Variants in MAPK8IP3 observed in about 807,000 individuals in gnomAD.
MAPK8IP3 encodes the protein C-Jun-amino-terminal kinase-interacting protein 3.
In MAPK8IP3, 49 loss-of-function variants were observed where a neutral mutation model predicts 157.8. That is an observed-to-expected ratio of 0.31 (90% CI 0.25 to 0.39). MAPK8IP3 has a LOEUF of 0.39. MAPK8IP3 is among the 10% of genes least tolerant of loss of function. The probability of loss-of-function intolerance (pLI) is 1.00; values close to 1 mark genes in which losing one functional copy is unlikely to be tolerated. For synonymous variants in MAPK8IP3, 897 were observed against 777.7 expected, an observed-to-expected ratio of 1.15 and a Z score of -2.55; for missense variants, 1,478 against 1,889.4, an observed-to-expected ratio of 0.78 and a Z score of 4.04.
Position 1,706,311 on chromosome 16 carries a change from G to A in MAPK8IP3, c.-29G>A. Reference sequence around the variant, plus strand: ...GGGCCGGGCGCGCCGGCCGGATAGCGAGCCGCGCTGGCGGCGGCGGTGGCC... The same window carrying A: ...GGGCCGGGCGCGCCGGCCGGATAGCAAGCCGCGCTGGCGGCGGCGGTGGCC... On this transcript the variant is annotated 5_prime_UTR_variant, in exon 1 of 32. Coordinates refer to ENST00000610761, the MANE Select transcript of MAPK8IP3 (RefSeq NM_001318852.2). This position sits in a 1 kb window ranked among gnomAD's most constrained non-coding sequence, Gnocchi z 5.1. The A allele has an allele frequency of 6.6e-7, 1 of 1,520,914 alleles. No homozygotes were observed. The highest frequency in any genetic ancestry group is 8.8e-7 in the Non-Finnish European group (1 of 1,134,460). The allele number at this position is 1,520,914 out of a possible 1,614,324, so 94.2% of individuals were successfully genotyped here. A position where few individuals can be genotyped will look rare whatever the true frequency, so the allele number is the denominator to read the frequency against.
rs771831508 is a variant in MAPK8IP3 at position 1,748,644 on chromosome 16, C to T, written c.1140C>T (p.Thr380=). 10 of 1,614,166 alleles carry T rather than the reference C, an allele frequency of 6.2e-6. No individual in the cohort carries two copies. Among genetic ancestry groups the T allele is most frequent in the African/African-American group, 1.3e-5 (1 of 75,058 alleles). Residue 380 remains threonine, a synonymous_variant, in exon 8 of 32, where the codon ACC becomes ACT. Transcript: ENST00000610761. ...GIVNKAFGIN[T]DSLYHELSTA... ...TGAACAAAGCTTTCGGCATCAACAC[C>T]GACTCCCTGTACCATGAGCTGTCGA... is the stretch of plus-strand genomic sequence containing the variant.
intron 2 of MAPK8IP3, among the ~76,000 whole-genome samples, chr16:1,728,205 C>T (rs866674796): frequency 2.0e-5 from 3 of 152,224 alleles, no homozygotes; most frequent in Non-Finnish European, 2.9e-5. Flanking sequence ...GGGCAGATCA[C>T]GTCTGGGGCC....
intron 8 of MAPK8IP3, 108 bp from the exon 9 acceptor site, chr16:1,758,040 G>A (rs939395828): frequency 2.2e-5 from 25 of 1,143,712 alleles, no homozygotes; most frequent in Admixed American, 7.1e-5. Flanking sequence ...GGGAGCAGCC[G>A]AATCATTGCT....
chr16:1,759,839 G>A (rs1366559260), intron 10 of MAPK8IP3, 119 bp from the exon 11 acceptor site: 5 of 852,518 alleles, frequency 5.9e-6, no homozygotes, highest in South Asian at 3.0e-5. Context: ...CCTGTAGATC[G>A]GGCGTCATCC....
At chr16:1,738,387 TCCGTGTGA>T (rs1272934791) in intron 4 of MAPK8IP3, among the ~76,000 whole-genome samples, 2 of 108,360 alleles carry the variant, frequency 1.8e-5, no homozygotes, top group Non-Finnish European at 3.7e-5. Flanking sequence ...CATGTGAGCA[TCCGTGTGA>T]CCGTGTGAGC....
chr16:1,723,782 CGGCCACACCTGG>C (rs1476439769), intron 1 of MAPK8IP3, among the ~76,000 whole-genome samples: 1 of 152,206 alleles, frequency 6.6e-6, no homozygotes, highest in Non-Finnish European at 1.5e-5. Flanking sequence ...CATCGATGCC[CGGCCACACCTGG>C]GGCCTCACTG....
chr16:1,721,888 C>T (rs1248769802), intron 1 of MAPK8IP3, among the ~76,000 whole-genome samples: 1 of 152,014 alleles, frequency 6.6e-6, no homozygotes, highest in Non-Finnish European at 1.5e-5. Flanking sequence ...TCCTGCCTCG[C>T]CCTCCCGAGT....
In MAPK8IP3 at chr16:1,743,264, G is replaced by T; in HGVS notation, c.603-68G>T. The T allele has an allele frequency of 6.8e-7, 1 of 1,467,618 alleles. No homozygotes were observed. The allele number at this position is 1,467,618 out of a possible 1,614,324, so 90.9% of individuals were successfully genotyped here. A position where few individuals can be genotyped will look rare whatever the true frequency, so the allele number is the denominator to read the frequency against. Reference sequence around the variant, plus strand: ...ATCACTCGAGGTCTGCTTGCCCTGGGAGGGCTTGGGAAATCTTCACGGCCA... The same window carrying T: ...ATCACTCGAGGTCTGCTTGCCCTGGTAGGGCTTGGGAAATCTTCACGGCCA... On this transcript the variant is annotated intron_variant, in intron 4 of 31. Transcript: ENST00000610761. The surrounding 1 kb of genome is among the most constrained non-coding windows in gnomAD (Gnocchi z 5.6).
chr16:1,709,023 G>C (rs1567130974), intron 1 of MAPK8IP3, among the ~76,000 whole-genome samples: 1 of 152,192 alleles, frequency 6.6e-6, no homozygotes, highest in South Asian at 2.1e-4. Flanking sequence ...GTGTCTTGTT[G>C]CAGAGGAGCT....
In MAPK8IP3 at chr16:1,768,590, C is replaced by G. The variant is rs1017475088; in HGVS notation, c.3856C>G (p.Leu1286Val). Residue 1286 changes from leucine (L) to valine (V), a missense_variant, in exon 31 of 32, where the codon CTG (leucine) becomes GTG (valine). Leu to Val is a conservative substitution (Grantham distance 32). Transcript: ENST00000610761. ...CCAGAAGCTGCGGAACGTGCTGGTG[C>G]TGAGCGGCGGGGAGGGCTACATCGA... ...EGQKLRNVLVLSGGEGYIDFR... is the reference protein window; with the variant it reads ...EGQKLRNVLVVSGGEGYIDFR... 2 of 1,595,718 alleles carry G rather than the reference C, an allele frequency of 1.3e-6. No individual in the cohort carries two copies. The highest frequency in any genetic ancestry group is 1.7e-6 in the Non-Finnish European group (2 of 1,171,898).
chr16:1,753,123 A>G (rs2041388413), intron 8 of MAPK8IP3, among the ~76,000 whole-genome samples: 1 of 152,208 alleles, frequency 6.6e-6, no homozygotes, highest in Admixed American at 6.5e-5. Flanking sequence ...GTGGAGAGCG[A>G]CATCCCTCCG....
Position 1,767,599 on chromosome 16 carries a change from G to A in MAPK8IP3, c.3273G>A (p.Gln1091=). 1.2e-6 allele frequency: 2 copies of A among 1,612,458 alleles called. No individual in the cohort carries two copies. The highest frequency in any genetic ancestry group is 1.7e-6 in the Non-Finnish European group (2 of 1,179,898). ...SFDAHPRRES[Q]VRQLAWIGDG... ...ACGCCCACCCGCGGCGGGAGAGCCA[G>A]GTGCGGCAGCTGGCGTGGATCGGCG... The change falls in exon 27 of 32, where the codon CAG becomes CAA. Residue 1091 remains glutamine (Q), a synonymous_variant. Coordinates refer to ENST00000610761, the MANE Select transcript of MAPK8IP3 (RefSeq NM_001318852.2).
At chr16:1,739,025 T>G (rs1206168986) in intron 4 of MAPK8IP3, among the ~76,000 whole-genome samples, 2 of 134,790 alleles carry the variant, frequency 1.5e-5, no homozygotes, top group African/African-American at 5.8e-5. Flanking sequence ...TGAGCATCTG[T>G]GTGAGCGTCC....
chr16:1,735,758 T>C (rs1478207680), intron 4 of MAPK8IP3, among the ~76,000 whole-genome samples: 2 of 139,912 alleles, frequency 1.4e-5, no homozygotes, highest in African/African-American at 5.5e-5. Context: ...CATGTGAGCA[T>C]CCGTGTGACC....
intron 8 of MAPK8IP3, chr16:1,752,123 G>A (rs1041634651): frequency 2.6e-5 from 4 of 153,392 alleles, no homozygotes; most frequent in Non-Finnish European, 4.4e-5. Flanking sequence ...TGCTCAACCC[G>A]TGGCCTTTGT....
At chr16:1,761,191 C>T (rs772437503) in intron 12 of MAPK8IP3, 33 bp from the exon 13 acceptor site, 40 of 1,579,018 alleles carry the variant, frequency 2.5e-5, no homozygotes, top group Non-Finnish European at 3.1e-5. Context: ...CTGGGAGGCC[C>T]TCACCCTCCC....
intron 1 of MAPK8IP3, among the ~76,000 whole-genome samples, chr16:1,708,184 G>A (rs2037521993): frequency 1.3e-5 from 2 of 152,194 alleles, no homozygotes; most frequent in African/African-American, 4.8e-5. Context: ...GAAGTGGAGG[G>A]GCTGAACCAA....
intron 4 of MAPK8IP3, among the ~76,000 whole-genome samples, chr16:1,738,899 CCATCCGTGTAGCATCCATGTGTGTGAG>C (rs2040350546): frequency 7.9e-6 from 1 of 127,022 alleles, no homozygotes; most frequent in African/African-American, 3.1e-5. Flanking sequence ...ATCTGTGTGA[CCATCCGTGTAGCATCCATGTGTGTGAG>C]CGTCCGTGTG....
In MAPK8IP3 at chr16:1,770,328, C is replaced by T. The variant is rs541131141; in HGVS notation, c.*1504C>T. The T allele has an allele frequency of 9.5e-6, 3 of 316,492 alleles. No individual in the cohort carries two copies. Among genetic ancestry groups the T allele is most frequent in the South Asian group, 1.1e-4 (1 of 9,180 alleles). 19.6% of individuals were successfully genotyped at this position (316,492 alleles called of 1,614,324 possible). A position where few individuals can be genotyped will look rare whatever the true frequency, so the allele number is the denominator to read the frequency against. On this transcript the variant is annotated 3_prime_UTR_variant, in exon 32 of 32. Transcript: ENST00000610761. ...TGTCTTAACGTCGTAGCTGCCTGTT[C>T]CTGGGCCCAAATCGAAACGAAAACG...
Sources: allele counts gnomAD v4.1 joint callset (sites outside exome capture counted in the v4.1 genomes callset), GRCh38; gene constraint gnomAD v4.1.1; non-coding constraint Gnocchi (gnomAD v3.1); transcripts MANE v1.5; gene names NCBI Gene and HGNC (gene_info 2026-07-23, HGNC 2026-07-21).